KAZN: variants seen among roughly 807,000 people sequenced by gnomAD.
The protein encoded by KAZN is kazrin, periplakin interacting protein, also known as kazrin.
In KAZN, 40 loss-of-function variants were observed where a neutral mutation model predicts 87.4. That is an observed-to-expected ratio of 0.46 (90% CI 0.36 to 0.60). The LOEUF is 0.60. KAZN is among the 20% of genes least tolerant of loss of function. The probability of loss-of-function intolerance (pLI) is 0.00; values close to 1 mark genes in which losing one functional copy is unlikely to be tolerated. For synonymous variants in KAZN, 466 were observed against 458.3 expected (o/e 1.02, Z -0.22); for missense variants, 898 against 1,073.9 (o/e 0.84, Z 2.29).
intron 1 of KAZN, among the ~76,000 whole-genome samples, chr1:13,919,932 T>C (rs1570278413): frequency 1.3e-5 from 2 of 152,200 alleles, no homozygotes; most frequent in Admixed American, 6.5e-5. Context: ...TTTTTGTGTA[T>C]GGTGTGAGTT....
intron 2 of KAZN, among the ~76,000 whole-genome samples, chr1:14,355,932 T>C (rs1019060370): frequency 6.6e-6 from 1 of 152,168 alleles, no homozygotes; most frequent in Non-Finnish European, 1.5e-5. Flanking sequence ...TTATAATACT[T>C]TGGGTATATA....
chr1:14,223,325 G>A (rs1170707720), intron 2 of KAZN, among the ~76,000 whole-genome samples: 3 of 152,208 alleles, frequency 2.0e-5, no homozygotes, highest in Non-Finnish European at 4.4e-5. Flanking sequence ...CAAAAATCCA[G>A]CTATAGTAGG....
At chr1:14,831,862 G>A (rs1003333531) in intron 1 of KAZN, among the ~76,000 whole-genome samples, 3 of 152,068 alleles carry the variant, frequency 2.0e-5, no homozygotes, top group Admixed American at 6.6e-5. Flanking sequence ...ACTCTGGGTT[G>A]CGAGTGACAG....
At chr1:14,218,503 A>G (rs1381513934) in intron 2 of KAZN, among the ~76,000 whole-genome samples, 1 of 152,180 alleles carries the variant, frequency 6.6e-6, no homozygotes, top group African/African-American at 2.4e-5. Context: ...TCATACACAT[A>G]CCTCGTTAGC....
At chr1:15,009,367 C>T (rs185794550) in intron 2 of KAZN, among the ~76,000 whole-genome samples, 1 of 152,316 alleles carries the variant, frequency 6.6e-6, no homozygotes, top group Non-Finnish European at 1.5e-5. Context: ...CAGGTAAGCG[C>T]CATCCCAGCT....
At chr1:14,761,626 GGTTGT>G (rs1644741762) in intron 1 of KAZN, among the ~76,000 whole-genome samples, 2 of 152,138 alleles carry the variant, frequency 1.3e-5, no homozygotes, top group Non-Finnish European at 2.9e-5. Context: ...TGATTATCTT[GGTTGT>G]AAAGCAAACC....
intron 1 of KAZN, among the ~76,000 whole-genome samples, chr1:14,715,141 A>T (rs1642723080): frequency 6.6e-6 from 1 of 152,108 alleles, no homozygotes; most frequent in African/African-American, 2.4e-5. Context: ...TCTGTTGCCC[A>T]GGCTGGTCTC....
chr1:14,508,593 T>C (rs922903769), intron 2 of KAZN, among the ~76,000 whole-genome samples: 3 of 152,098 alleles, frequency 2.0e-5, no homozygotes, highest in Non-Finnish European at 4.4e-5. Context: ...CTGGTTTCAA[T>C]AGAGGCGCTC....
chr1:14,309,338 C>T (rs549661932), intron 2 of KAZN, among the ~76,000 whole-genome samples: 7 of 152,304 alleles, frequency 4.6e-5, no homozygotes, highest in African/African-American at 1.7e-4. Context: ...TAAGGCACCA[C>T]ACAGGATGCT....
intron 1 of KAZN, among the ~76,000 whole-genome samples, chr1:14,062,000 G>A (rs1325716911): frequency 1.3e-5 from 2 of 152,128 alleles, no homozygotes; most frequent in African/African-American, 4.8e-5. Flanking sequence ...AGATTTGGGT[G>A]GTAATGGAGT....
At chr1:14,666,685 C>G (rs1260100315) in intron 1 of KAZN, among the ~76,000 whole-genome samples, 1 of 152,156 alleles carries the variant, frequency 6.6e-6, no homozygotes, top group Admixed American at 6.5e-5. Context: ...CAACGTCACT[C>G]CAGTCCCTTT....
rs567901608 is a variant in KAZN at position 14,996,629 on chromosome 1, A to T, written c.418+35754A>T. On this transcript the variant is annotated intron_variant, in intron 2 of 14. Coordinates refer to ENST00000376030, the MANE Select transcript of KAZN (RefSeq NM_201628.3). The surrounding 1 kb of genome is among the most constrained non-coding windows in gnomAD (Gnocchi z 5.9). ...CCAGCACCCTCCCACGGGCGTGCAGATCTGACAAGATCAGGATCTGGGTCT... is the reference window on the plus strand; with the variant it reads ...CCAGCACCCTCCCACGGGCGTGCAGTTCTGACAAGATCAGGATCTGGGTCT... Among the ~76,000 whole-genome samples the T allele has an allele frequency of 6.6e-5, 10 of 152,306 alleles. No individual in the cohort carries two copies. Among genetic ancestry groups the T allele is most frequent in the South Asian group, 6.2e-4 (3 of 4,830 alleles).
rs572231333 is a variant in KAZN, at chr1:14,118,816, C to A, written c.92-61619C>A. On this transcript the variant is annotated intron_variant, in intron 1 of 16. Coordinates refer to the KAZN transcript ENST00000636203. ...ATTGCAACACTAATTAGGGATAGAG[C>A]CGGGAATGTCTTACTGGAATTGGGT... Among the ~76,000 whole-genome samples, 19 of 152,232 alleles carry A rather than the reference C, an allele frequency of 1.2e-4. No homozygotes were observed. In the South Asian group the frequency reaches 3.7e-3, roughly 30 times the overall value.
intron 1 of KAZN, among the ~76,000 whole-genome samples, chr1:14,030,578 A>C (rs1641279799): frequency 6.6e-6 from 1 of 151,990 alleles, no homozygotes; most frequent in Non-Finnish European, 1.5e-5. Context: ...CATAAAGTAT[A>C]ATAAAAATAA....
intron 2 of KAZN, among the ~76,000 whole-genome samples, chr1:14,471,873 T>TA (rs1382399987): frequency 6.6e-6 from 1 of 152,338 alleles, no homozygotes; most frequent in Non-Finnish European, 1.5e-5. Context: ...TTTGAATTGT[T>TA]ACCATGTTAC....
intron 1 of KAZN, among the ~76,000 whole-genome samples, chr1:13,983,058 G>C (rs764930258): frequency 6.6e-5 from 10 of 152,272 alleles, no homozygotes; most frequent in Non-Finnish European, 1.5e-4. Flanking sequence ...AGACATAAAG[G>C]TTCTCCAAGG....
intron 1 of KAZN, among the ~76,000 whole-genome samples, chr1:14,011,562 G>C (rs1380632088): frequency 6.6e-6 from 1 of 152,154 alleles, no homozygotes. Context: ...CCTCTGGGCA[G>C]CCTCTTGGTT....
chr1:14,932,218 G>A (rs564143543), intron 1 of KAZN, among the ~76,000 whole-genome samples: 4 of 152,186 alleles, frequency 2.6e-5, no homozygotes, highest in Non-Finnish European at 4.4e-5. Flanking sequence ...GGGCCTGTTC[G>A]TCCATGCTCC....
chr1:14,349,224 G>GAGCCTGAGCCCA (rs1204117377), intron 2 of KAZN: 2 of 152,202 alleles, frequency 1.3e-5, no homozygotes, highest in Non-Finnish European at 2.9e-5. Flanking sequence ...ACATGGCTGG[G>GAGCCTGAGCCCA]AGCCTGAGCC....
Sources: allele counts gnomAD v4.1 joint callset (sites outside exome capture counted in the v4.1 genomes callset), GRCh38; gene constraint gnomAD v4.1.1; non-coding constraint Gnocchi (gnomAD v3.1); transcripts MANE v1.5; gene names NCBI Gene and HGNC (gene_info 2026-07-23, HGNC 2026-07-21).